DOCK1: variants seen among roughly 807,000 people sequenced by gnomAD.
The protein encoded by DOCK1 is dedicator of cytokinesis protein 1.
In DOCK1, 138 loss-of-function variants were observed where a neutral mutation model predicts 262.7. The ratio of observed to expected loss-of-function variants is 0.53; its 90% CI spans 0.46 to 0.61. The LOEUF is 0.61. DOCK1 is among the 20% of genes least tolerant of loss of function. DOCK1 has a pLI of 0.00. For synonymous variants in DOCK1, 866 were observed against 867.4 expected (o/e 1.00, Z 0.03); for missense variants, 1,908 against 2,370.7 (o/e 0.80, Z 4.05).
At chr10:127,347,009 C>T (rs183420070) in intron 31 of DOCK1, among the ~76,000 whole-genome samples, 1 of 152,324 alleles carries the variant, frequency 6.6e-6, no homozygotes, top group East Asian at 1.9e-4. Context: ...TCAGGCCACG[C>T]GGCACACACG....
At chr10:126,973,856 CTT>C (rs1450510213) in intron 2 of DOCK1, among the ~76,000 whole-genome samples, 2 of 151,988 alleles carry the variant, frequency 1.3e-5, no homozygotes, top group Non-Finnish European at 2.9e-5. Context: ...TCTAAGATGA[CTT>C]TTTGGTTTAG....
chr10:127,092,644 G>C (rs541995084), intron 23 of DOCK1, among the ~76,000 whole-genome samples: 1 of 152,090 alleles, frequency 6.6e-6, no homozygotes, highest in South Asian at 2.1e-4. Context: ...ACCACGCCTG[G>C]ATAATTTTTT....
intron 46 of DOCK1, among the ~76,000 whole-genome samples, chr10:127,422,041 T>G (rs555789363): frequency 2.8e-4 from 42 of 152,252 alleles, no homozygotes; most frequent in Admixed American, 1.8e-3. Context: ...CTGTGTTTTC[T>G]TTTTCACGAA....
At chr10:127,265,868 A>G (rs1288894206) in intron 29 of DOCK1, among the ~76,000 whole-genome samples, 1 of 152,264 alleles carries the variant, frequency 6.6e-6, no homozygotes, top group Non-Finnish European at 1.5e-5. Flanking sequence ...TGGAGATGCC[A>G]GTTCCTTAAG....
chr10:127,406,888 G>C (rs149754808), intron 40 of DOCK1, among the ~76,000 whole-genome samples: 1 of 152,144 alleles, frequency 6.6e-6, no homozygotes, highest in African/African-American at 2.4e-5. Context: ...TAAGAAAAAT[G>C]CTTGCTAGTT....
At chr10:127,091,479 G>A (rs2047530321) in intron 23 of DOCK1, among the ~76,000 whole-genome samples, 1 of 152,192 alleles carries the variant, frequency 6.6e-6, no homozygotes, top group Admixed American at 6.5e-5. Context: ...GCCTTTAGCT[G>A]TAGGTTGAAC....
chr10:127,442,520 A>G (rs1329098757), intron 49 of DOCK1, among the ~76,000 whole-genome samples: 1 of 152,202 alleles, frequency 6.6e-6, no homozygotes, highest in Non-Finnish European at 1.5e-5. Flanking sequence ...CCTGTAAGAA[A>G]TATGTAAATA....
At chr10:127,134,995 C>T (rs2050566629) in intron 27 of DOCK1, among the ~76,000 whole-genome samples, 1 of 152,162 alleles carries the variant, frequency 6.6e-6, no homozygotes, top group East Asian at 1.9e-4. Context: ...GGCGGCTGAT[C>T]CCTTGAGGCT....
chr10:127,379,565 A>G (rs892975046), intron 35 of DOCK1, among the ~76,000 whole-genome samples: 1 of 152,136 alleles, frequency 6.6e-6, no homozygotes. Flanking sequence ...ATGTTAGTTA[A>G]ATTTACTTTA....
intron 1 of DOCK1, among the ~76,000 whole-genome samples, chr10:126,915,277 A>G (rs1253647606): frequency 1.3e-5 from 2 of 152,200 alleles, no homozygotes; most frequent in Admixed American, 6.5e-5. Flanking sequence ...TCATGTCCCT[A>G]TAAAGACGGA....
At chr10:127,351,931 C>T (rs1365353357) in intron 31 of DOCK1, among the ~76,000 whole-genome samples, 1 of 152,008 alleles carries the variant, frequency 6.6e-6, no homozygotes, top group South Asian at 2.1e-4. Flanking sequence ...CTGCTGCTCC[C>T]TTGTCCTATT....
chr10:127,415,808 T>G (rs1172113855), intron 44 of DOCK1, among the ~76,000 whole-genome samples: 2 of 152,220 alleles, frequency 1.3e-5, no homozygotes, highest in Non-Finnish European at 2.9e-5. Context: ...CAGTGAGCTA[T>G]TGGACAGTTT....
At chr10:127,162,462 T>C (rs1436903360) in intron 27 of DOCK1, among the ~76,000 whole-genome samples, 1 of 152,216 alleles carries the variant, frequency 6.6e-6, no homozygotes, top group African/African-American at 2.4e-5. Context: ...CACAAATTAC[T>C]TAGCAATGAT....
At chr10:127,213,141 T>TA (rs2058055806) in intron 27 of DOCK1, among the ~76,000 whole-genome samples, 1 of 152,242 alleles carries the variant, frequency 6.6e-6, no homozygotes, top group African/African-American at 2.4e-5. Flanking sequence ...TATGCATAGA[T>TA]ATTTCTTTTA....
Position 126,905,467 on chromosome 10 carries a change from C to T in DOCK1, c.-51C>T, listed in dbSNP as rs1410728549. The T allele has an allele frequency of 8.0e-6, 4 of 502,822 alleles. No individual in the cohort carries two copies. Among genetic ancestry groups the T allele is most frequent in the Admixed American group, 3.4e-5 (1 of 29,126 alleles). The allele number at this position is 502,822 out of a possible 1,614,324, so 31.1% of individuals were successfully genotyped here. A position where few individuals can be genotyped will look rare whatever the true frequency, so the allele number is the denominator to read the frequency against. ...GCGGCTCGAAAGGAATGGAAAATGG[C>T]GGCCTAGACGCGGAGTTTCCTGCCC... is the stretch of plus-strand genomic sequence containing the variant. On this transcript the variant is annotated 5_prime_UTR_variant, in exon 1 of 52. Transcript: ENST00000623213.
chr10:127,326,346 C>A (rs2062747448), intron 29 of DOCK1, among the ~76,000 whole-genome samples: 1 of 152,232 alleles, frequency 6.6e-6, no homozygotes. Flanking sequence ...GCTTTGGCAA[C>A]TAACTTTATG....
chr10:127,381,590 T>A (rs966117254), intron 37 of DOCK1, among the ~76,000 whole-genome samples: 1 of 152,224 alleles, frequency 6.6e-6, no homozygotes. Context: ...TAGCAGGTGA[T>A]CACTGAGCAT....
At chr10:126,984,952 CCCCACTCCCCTATGT>C (rs1177292126) in intron 4 of DOCK1, among the ~76,000 whole-genome samples, 1 of 151,168 alleles carries the variant, frequency 6.6e-6, no homozygotes, top group Non-Finnish European at 1.5e-5. Context: ...CCCATCATCT[CCCCACTCCCCTATGT>C]CCCATTCTTT....
chr10:127,103,372 A>C (rs962848270), intron 23 of DOCK1, among the ~76,000 whole-genome samples: 1 of 152,180 alleles, frequency 6.6e-6, no homozygotes, highest in African/African-American at 2.4e-5. Context: ...AGGAAACCTC[A>C]TATTGTCTGC....
Sources: allele counts gnomAD v4.1 joint callset (sites outside exome capture counted in the v4.1 genomes callset), GRCh38; gene constraint gnomAD v4.1.1; transcripts MANE v1.5; gene names NCBI Gene and HGNC (gene_info 2026-07-23, HGNC 2026-07-21).